The following DPP10 variants were observed in gnomAD, a reference collection of about 807,000 sequenced individuals.
DPP10 encodes dipeptidyl peptidase like 10.
In DPP10, 33 loss-of-function variants were observed where a neutral mutation model predicts 120.9. The ratio of observed to expected loss-of-function variants is 0.27; its 90% CI spans 0.21 to 0.37. The LOEUF (loss-of-function observed/expected upper bound fraction) is 0.37. Among genes scored for constraint, DPP10 ranks in the 10% least tolerant of loss-of-function variants. The pLI, the probability that DPP10 is intolerant of heterozygous loss-of-function variation, is 1.00. For synonymous variants in DPP10, 337 were observed against 326.1 expected (o/e 1.03, Z -0.36); for missense variants, 816 against 942.8 (o/e 0.87, Z 1.76).
intron 5 of DPP10, among the ~76,000 whole-genome samples, chr2:115,576,793 C>T (rs1213323665): frequency 6.6e-6 from 1 of 152,206 alleles, no homozygotes; most frequent in African/African-American, 2.4e-5. Flanking sequence ...CACTTACTCA[C>T]AAGCATAACT....
Position 114,719,572 on chromosome 2 carries a change from C to T in DPP10, c.60+276734C>T, listed in dbSNP as rs192540413. ...GGCCTTTAACATAGGGCATACATGG[C>T]CTGGTTCACAAGAATGAGCCAGGTA... On this transcript the variant is annotated intron_variant, in intron 1 of 25. Coordinates refer to ENST00000410059, the MANE Select transcript of DPP10 (RefSeq NM_020868.6). Among the ~76,000 whole-genome samples, 639 of 152,308 alleles carry T rather than the reference C, an allele frequency of 4.2e-3. 5 individuals carry two copies. Among genetic ancestry groups the T allele is most frequent in the Non-Finnish European group, 7.2e-3 (487 of 68,028 alleles).
intron 1 of DPP10, among the ~76,000 whole-genome samples, chr2:115,227,589 C>A (rs1450583953): frequency 6.6e-6 from 1 of 152,140 alleles, no homozygotes; most frequent in Non-Finnish European, 1.5e-5. Flanking sequence ...TTGACTCTCA[C>A]TCTTTGGTAG....
At chr2:115,129,776 G>C (rs987806526) in intron 1 of DPP10, among the ~76,000 whole-genome samples, 10 of 152,090 alleles carry the variant, frequency 6.6e-5, no homozygotes, top group Non-Finnish European at 1.3e-4. Context: ...CATCCCCTGA[G>C]AGTTTGATAG....
intron 4 of DPP10, among the ~76,000 whole-genome samples, chr2:115,515,169 A>T (rs1272355698): frequency 6.6e-6 from 1 of 151,998 alleles, no homozygotes; most frequent in East Asian, 1.9e-4. Context: ...CTATTACATT[A>T]CTGCTCCAAA....
intron 7 of DPP10, among the ~76,000 whole-genome samples, chr2:115,691,360 T>A (rs1369451052): frequency 6.6e-6 from 1 of 152,184 alleles, no homozygotes; most frequent in Non-Finnish European, 1.5e-5. Context: ...CATGTATAGG[T>A]TCTTGATCCA....
At chr2:114,465,261 A>C (rs922306917) in intron 1 of DPP10, among the ~76,000 whole-genome samples, 1 of 152,238 alleles carries the variant, frequency 6.6e-6, no homozygotes, top group Admixed American at 6.5e-5. Flanking sequence ...CGAAGTGTTT[A>C]GCACAGGGCC....
chr2:114,821,016 GAGAA>G (rs928404591), intron 1 of DPP10, among the ~76,000 whole-genome samples: 13 of 152,316 alleles, frequency 8.5e-5, no homozygotes, highest in African/African-American at 3.1e-4. Context: ...AGGAAGTGGG[GAGAA>G]AGAAAGAAGC....
intron 1 of DPP10, among the ~76,000 whole-genome samples, chr2:114,896,053 G>A (rs908839627): frequency 2.0e-5 from 3 of 152,120 alleles, no homozygotes; most frequent in Non-Finnish European, 2.9e-5. Flanking sequence ...TAGATATGCA[G>A]CATTATTTCT....
chr2:115,587,718 A>G (rs1365402357), intron 5 of DPP10, among the ~76,000 whole-genome samples: 1 of 152,222 alleles, frequency 6.6e-6, no homozygotes, highest in African/African-American at 2.4e-5. Flanking sequence ...CAGCCATAGA[A>G]AAGAATGAAA....
chr2:114,672,012 A>C (rs1270560536), intron 1 of DPP10, among the ~76,000 whole-genome samples: 1 of 151,906 alleles, frequency 6.6e-6, no homozygotes, highest in Admixed American at 6.6e-5. Context: ...TATACTTGTA[A>C]TTTTTTTCTT....
chr2:114,898,182 G>A lies in DPP10; in HGVS notation c.61-411057G>A, dbSNP rs540274321. On this transcript the variant is annotated intron_variant, in intron 1 of 25. Transcript: ENST00000410059. Reference sequence around the variant, plus strand: ...ACTATGCAGCCATAAGAAATGATGAGTTCATGTCCTTTGTAGGGACATGGA... The same window carrying A: ...ACTATGCAGCCATAAGAAATGATGAATTCATGTCCTTTGTAGGGACATGGA... 8.7e-4 allele frequency among the ~76,000 whole-genome samples: 132 copies of A among 152,268 alleles called. 1 individual carries two copies. The East Asian group carries it at 0.024, about 27-fold the overall frequency.
chr2:115,074,536 A>C (rs1161877622), intron 1 of DPP10, among the ~76,000 whole-genome samples: 1 of 152,202 alleles, frequency 6.6e-6, no homozygotes, highest in Non-Finnish European at 1.5e-5. Context: ...ACAAACAAGC[A>C]AGTTTCCTGA....
intron 1 of DPP10, among the ~76,000 whole-genome samples, chr2:114,794,043 T>C (rs1017112273): frequency 6.6e-6 from 1 of 152,350 alleles, no homozygotes; most frequent in African/African-American, 2.4e-5. Flanking sequence ...TCTGAAACTA[T>C]TGCTGCATTT....
intron 1 of DPP10, among the ~76,000 whole-genome samples, chr2:115,111,728 T>C (rs2049231162): frequency 6.6e-6 from 1 of 152,046 alleles, no homozygotes; most frequent in Non-Finnish European, 1.5e-5. Flanking sequence ...CAGGGAAAAA[T>C]TCAGGCCACA....
chr2:115,786,043 G>A (rs1683306883), intron 17 of DPP10, among the ~76,000 whole-genome samples: 1 of 151,984 alleles, frequency 6.6e-6, no homozygotes, highest in African/African-American at 2.4e-5. Flanking sequence ...TAGTCTTCCA[G>A]ATATATATAA....
intron 1 of DPP10, among the ~76,000 whole-genome samples, chr2:114,444,852 A>G (rs1196821103): frequency 6.6e-6 from 1 of 152,214 alleles, no homozygotes; most frequent in African/African-American, 2.4e-5. Context: ...GATGTTCATA[A>G]AATATATATA....
rs1038004983 is a variant in DPP10, at chr2:115,777,258, A to G, written c.1272A>G (p.Glu424=). 6.2e-7 allele frequency: 1 copy of G among 1,613,198 alleles called. No individual in the cohort carries two copies. Among genetic ancestry groups the G allele is most frequent in the Non-Finnish European group, 8.5e-7 (1 of 1,179,380 alleles). Residue 424 remains glutamate, a synonymous_variant, in exon 14 of 26, where the codon GAA becomes GAG. Coordinates refer to ENST00000410059, the MANE Select transcript of DPP10 (RefSeq NM_020868.6). Reference sequence around the variant, plus strand: ...GGCATCTGACATCAGGAAACTGGGAAGTGATAAAGATCTTGGCATACGATG... The same window carrying G: ...GGCATCTGACATCAGGAAACTGGGAGGTGATAAAGATCTTGGCATACGATG... ...TVRHLTSGNW[E]VIKILAYDET... is the part of the protein sequence containing the mutation.
At chr2:114,633,278 G>GTACAGGATTCATTCCTTCCAGGTGCA (rs1695081287) in intron 1 of DPP10, among the ~76,000 whole-genome samples, 1 of 100,406 alleles carries the variant, frequency 1.0e-5, no homozygotes, top group African/African-American at 4.3e-5. Flanking sequence ...TTTTGACAGA[G>GTACAGGATTCATTCCTTCCAGGTGCA]TCTCGCTCTA....
At chr2:115,727,725 T>A in intron 7 of DPP10, 91 bp from the exon 8 acceptor site, 2 of 1,373,952 alleles carry the variant, frequency 1.5e-6, no homozygotes, top group Non-Finnish European at 1.9e-6. Context: ...TAATACAACA[T>A]GGCTATTCAG....
Sources: allele counts gnomAD v4.1 joint callset (sites outside exome capture counted in the v4.1 genomes callset), GRCh38; gene constraint gnomAD v4.1.1; transcripts MANE v1.5; gene names NCBI Gene and HGNC (gene_info 2026-07-23, HGNC 2026-07-21).